SLC13A2: variants seen among roughly 807,000 people sequenced by gnomAD.
SLC13A2 encodes solute carrier family 13 member 2.
A neutral mutation model predicts 58.5 loss-of-function variants in SLC13A2; 40 were observed. That is an observed-to-expected ratio of 0.68 (90% CI 0.53 to 0.89). The LOEUF is 0.89. Among genes scored for constraint, SLC13A2 ranks in the 40% least tolerant of loss-of-function variants. The pLI is 0.00. For synonymous variants in SLC13A2, 341 were observed against 331.6 expected, an observed-to-expected ratio of 1.03 and a Z score of -0.31; for missense variants, 694 against 772.6, an observed-to-expected ratio of 0.90 and a Z score of 1.21.
At position 28,494,312 on chromosome 17, in the gene SLC13A2, C is replaced by T. The variant is rs2069095270; in HGVS notation, c.1187-79C>T. ...CACGCGTTAAGCTCCAAAAGGGACC[C>T]ACACAGGGAGCCCGCAAATGGAGAG... On this transcript the variant is annotated intron_variant, in intron 8 of 11. Transcript: ENST00000314669. The surrounding 1 kb of genome is among the most constrained non-coding windows in gnomAD (Gnocchi z 4.0). 1.2e-6 allele frequency: 2 copies of T among 1,612,798 alleles called. No homozygotes were observed. The highest frequency in any genetic ancestry group is 3.3e-5 in the Admixed American group (2 of 60,030).
At position 28,494,528 on chromosome 17, in the gene SLC13A2, C is replaced by A; in HGVS notation, c.1308+16C>A. The A allele has an allele frequency of 1.9e-6, 3 of 1,613,664 alleles. No individual in the cohort carries two copies. Among genetic ancestry groups the A allele is most frequent in the Non-Finnish European group, 2.5e-6 (3 of 1,179,766 alleles). ...GGGCAGTGAGGTGAGAGGCCCCCAG[C>A]CCCCTCCTCAGCCTGTGTGAGGGTG... On this transcript the variant is annotated intron_variant, in intron 9 of 11. Transcript: ENST00000314669. The surrounding 1 kb of genome is among the most constrained non-coding windows in gnomAD (Gnocchi z 4.0).
intron 1 of SLC13A2, among the ~76,000 whole-genome samples, chr17:28,480,015 G>A (rs780688837): frequency 6.6e-6 from 1 of 152,014 alleles, no homozygotes; most frequent in African/African-American, 2.4e-5. Context: ...TTAGCTGGGC[G>A]TGGTGGCACA....
Position 28,493,820 on chromosome 17 carries a change from C to A in SLC13A2, c.1097+31C>A, listed in dbSNP as rs782315490. The stretch of plus-strand genomic sequence containing the variant: ...AGTTGCAGGGGTTGGGAGGAGGACA[C>A]ATCTGGGGCTCACATGCTCGGGAAG... On this transcript the variant is annotated intron_variant, in intron 7 of 11. Coordinates refer to ENST00000314669, the MANE Select transcript of SLC13A2 (RefSeq NM_003984.4). The A allele has an allele frequency of 6.2e-6, 10 of 1,608,398 alleles. No individual in the cohort carries two copies. In the East Asian group the frequency reaches 2.2e-4, roughly 36 times the overall value.
chr17:28,475,486 T>C (rs782188608), intron 1 of SLC13A2, among the ~76,000 whole-genome samples: 16 of 152,214 alleles, frequency 1.1e-4, no homozygotes, highest in Admixed American at 2.0e-4. Context: ...GTAATATCTC[T>C]CATCTTAAAC....
Position 28,491,786 on chromosome 17 carries a change from TC to T in SLC13A2, c.816del (p.Thr273ProfsTer53), listed in dbSNP as rs1555603561. The T allele has an allele frequency of 1.2e-6, 2 of 1,614,030 alleles. No homozygotes were observed. The highest frequency in any genetic ancestry group is 1.7e-6 in the Non-Finnish European group (2 of 1,180,028). ...VNFASWFSFA[F>X]PTMVILLLLA... ...TTCGCCTCCTGGTTCAGCTTCGCCT[TC>T]CCCACCATGGTCATCTTGCTGCTGC... On this transcript the variant is annotated frameshift_variant, in exon 6 of 12. Coordinates refer to ENST00000314669, the MANE Select transcript of SLC13A2 (RefSeq NM_003984.4). LOFTEE classifies it high-confidence loss of function.
At chr17:28,475,697 G>T (rs908429747) in intron 1 of SLC13A2, among the ~76,000 whole-genome samples, 1 of 151,982 alleles carries the variant, frequency 6.6e-6, no homozygotes, top group African/African-American at 2.4e-5. Flanking sequence ...TCAGTCCCTC[G>T]GCAGCATTTG....
At chr17:28,490,028 C>T (rs2068971434) in intron 2 of SLC13A2, among the ~76,000 whole-genome samples, 1 of 152,200 alleles carries the variant, frequency 6.6e-6, no homozygotes, top group African/African-American at 2.4e-5. Flanking sequence ...AATCCTAGCA[C>T]TTTAGGGGGC....
Position 28,494,173 on chromosome 17 carries a change from TTCCACC to T in SLC13A2, c.1186+69_1186+74del. The T allele has an allele frequency of 6.6e-7, 1 of 1,516,388 alleles. No individual in the cohort carries two copies. The highest frequency in any genetic ancestry group is 9.1e-7 in the Non-Finnish European group (1 of 1,093,636). 93.9% of individuals were successfully genotyped at this position (1,516,388 alleles called of 1,614,324 possible). On this transcript the variant is annotated intron_variant, in intron 8 of 11. Coordinates refer to ENST00000314669, the MANE Select transcript of SLC13A2 (RefSeq NM_003984.4). This position sits in a 1 kb window ranked among gnomAD's most constrained non-coding sequence, Gnocchi z 4.0. ...CCTGCCTTCAAGTATGTAATGTACC[TTCCACC>T]ACACTTGGCAGGAGTAGGCAAAGCC...
chr17:28,474,157 G>A (rs73276442), intron 1 of SLC13A2, among the ~76,000 whole-genome samples: 2,585 of 152,254 alleles, frequency 0.017, 49 homozygotes, highest in African/African-American at 0.059. Flanking sequence ...GCTCCATGGC[G>A]GCTGAGATGG....
rs782768694 is a variant in SLC13A2, at chr17:28,495,673, T to A, written c.1327T>A (p.Trp443Arg). 6.2e-7 allele frequency: 1 copy of A among 1,610,868 alleles called. No homozygotes were observed. The highest frequency in any genetic ancestry group is 8.5e-7 in the Non-Finnish European group (1 of 1,179,820). ...CCCACAGCGATCGGGCCTGTCAGAG[T>A]GGCTGGGAAACAAGCTGACCCCACT... ...KGSERSGLSE[W>R]LGNKLTPLQS... The change falls in exon 10 of 12, where the codon TGG becomes AGG. Residue 443 changes from tryptophan to arginine, a missense_variant. Transcript: ENST00000314669.
intron 1 of SLC13A2, among the ~76,000 whole-genome samples, chr17:28,480,520 A>C (rs551222047): frequency 5.5e-4 from 83 of 152,242 alleles, no homozygotes; most frequent in Non-Finnish European, 1.1e-3. Context: ...AGTGAACAAA[A>C]CATGGATTTT....
Position 28,495,703 on chromosome 17 carries a change from A to G in SLC13A2, c.1357A>G (p.Ser453Gly). The G allele has an allele frequency of 6.2e-7, 1 of 1,612,370 alleles. No individual in the cohort carries two copies. ...GGGAAACAAGCTGACCCCACTGCAG[A>G]GTGTGCCAGCTCCAGCCATTGCCAT... Reference protein sequence around the residue: ...WLGNKLTPLQSVPAPAIAIIL... With the variant: ...WLGNKLTPLQGVPAPAIAIIL... The change falls in exon 10 of 12, where the codon AGT becomes GGT. Residue 453 changes from serine (S) to glycine (G), a missense_variant. Transcript: ENST00000314669.
In SLC13A2 at chr17:28,474,253, G is replaced by T. The variant is rs112474638; in HGVS notation, c.102+439G>T. Among the ~76,000 whole-genome samples the T allele has an allele frequency of 5.9e-5, 9 of 152,174 alleles. 1 individual carries two copies. The highest frequency in any genetic ancestry group is 1.9e-4 in the African/African-American group (8 of 41,498). The stretch of plus-strand genomic sequence containing the variant: ...GAATAGGAGAAAGCTGGCTGCAGGC[G>T]GTCTGCATCTTTAAGAGCATAAACA... On this transcript the variant is annotated intron_variant, in intron 1 of 11. Coordinates refer to ENST00000314669, the MANE Select transcript of SLC13A2 (RefSeq NM_003984.4).
intron 1 of SLC13A2, among the ~76,000 whole-genome samples, chr17:28,480,778 ACTT>A (rs782102958): frequency 6.6e-6 from 1 of 152,088 alleles, no homozygotes; most frequent in East Asian, 1.9e-4. Flanking sequence ...TGGATACCTC[ACTT>A]CTTCTCCATT....
intron 2 of SLC13A2, 56 bp downstream of exon 2, chr17:28,489,398 G>T (rs1367704492): frequency 1.3e-6 from 2 of 1,557,220 alleles, no homozygotes; most frequent in East Asian, 2.3e-5. Context: ...CCAGGGGGTG[G>T]GTTCCCTCAG....
intron 10 of SLC13A2, 149 bp downstream of exon 10, chr17:28,495,965 T>C (rs565878872): frequency 3.7e-6 from 4 of 1,083,484 alleles, no homozygotes; most frequent in South Asian, 3.2e-5. Flanking sequence ...TTCTCCAGGC[T>C]CTTGAGCCAC....
Position 28,489,294 on chromosome 17 carries a change from C to T in SLC13A2, c.183C>T (p.Leu61=), listed in dbSNP as rs2068953614. Residue 61 remains leucine (L), a synonymous_variant, in exon 2 of 12, where the codon CTC becomes CTT. Coordinates refer to ENST00000314669, the MANE Select transcript of SLC13A2 (RefSeq NM_003984.4). ...CCCTGCCCCTGGCCGTCACTGCCCT[C>T]TTCCCCTTAATCCTGTTCCCTATGA... The part of the protein sequence containing the change: ...TEALPLAVTA[L]FPLILFPMMG... 1.2e-6 allele frequency: 2 copies of T among 1,614,154 alleles called. No homozygotes were observed. Among genetic ancestry groups the T allele is most frequent in the East Asian group, 2.2e-5 (1 of 44,886 alleles).
chr17:28,486,989 G>C (rs1290023463), intron 1 of SLC13A2, among the ~76,000 whole-genome samples: 1 of 152,084 alleles, frequency 6.6e-6, no homozygotes, highest in Non-Finnish European at 1.5e-5. Context: ...GTAGAGACTG[G>C]GTTTTGCCAT....
intron 1 of SLC13A2, among the ~76,000 whole-genome samples, chr17:28,478,195 C>A (rs2068725833): frequency 6.6e-6 from 1 of 152,224 alleles, no homozygotes; most frequent in Admixed American, 6.5e-5. Context: ...TGAACTGGAA[C>A]CTGGTGTTGG....
Sources: allele counts gnomAD v4.1 joint callset (sites outside exome capture counted in the v4.1 genomes callset), GRCh38; gene constraint gnomAD v4.1.1; non-coding constraint Gnocchi (gnomAD v3.1); transcripts MANE v1.5; gene names NCBI Gene and HGNC (gene_info 2026-07-23, HGNC 2026-07-21).